Variants in RYR3 observed in about 807,000 individuals in gnomAD.
RYR3 encodes the protein brain ryanodine receptor-calcium release channel.
In RYR3, 207 loss-of-function variants were observed where a neutral mutation model predicts 584.3. The observed-to-expected ratio is 0.35, with a 90% confidence interval of 0.32 to 0.40. RYR3 has a LOEUF of 0.40. RYR3 is among the 10% of genes least tolerant of loss of function. The probability of loss-of-function intolerance (pLI) is 1.00; values close to 1 mark genes in which losing one functional copy is unlikely to be tolerated. For synonymous variants in RYR3, 2,416 were observed against 2,248.5 expected, an observed-to-expected ratio of 1.07 and a Z score of -2.11; for missense variants, 5,616 against 6,089.2, an observed-to-expected ratio of 0.92 and a Z score of 2.59.
intron 2 of RYR3, among the ~76,000 whole-genome samples, chr15:33,484,263 A>G (rs959915147): frequency 1.8e-4 from 27 of 146,370 alleles, no homozygotes; most frequent in African/African-American, 6.4e-4. Context: ...TTTTCATAAG[A>G]GACACAAGCA....
chr15:33,314,343 C>G (rs940225197), intron 1 of RYR3, among the ~76,000 whole-genome samples: 3 of 152,122 alleles, frequency 2.0e-5, no homozygotes, highest in Non-Finnish European at 2.9e-5. Context: ...TGAAGCTGCT[C>G]AGAAGCAGAT....
At chr15:33,826,650 A>C (rs1015507890) in intron 83 of RYR3, 22 bp from the exon 84 acceptor site, 4 of 1,598,308 alleles carry the variant, frequency 2.5e-6, no homozygotes, top group Non-Finnish European at 3.4e-6. Context: ...ACCAATGCTC[A>C]TCAACGTTCT....
intron 22 of RYR3, among the ~76,000 whole-genome samples, chr15:33,630,535 G>A (rs1289195568): frequency 6.6e-6 from 1 of 152,150 alleles, no homozygotes; most frequent in Non-Finnish European, 1.5e-5. Flanking sequence ...GTATTTCCCT[G>A]TTCTCTAGTT....
At chr15:33,396,394 A>T (rs2042297792) in intron 1 of RYR3, among the ~76,000 whole-genome samples, 1 of 152,088 alleles carries the variant, frequency 6.6e-6, no homozygotes, top group African/African-American at 2.4e-5. Flanking sequence ...TGTGGTTGTC[A>T]CCTGAATGAT....
intron 42 of RYR3, among the ~76,000 whole-genome samples, chr15:33,705,094 A>T (rs1284143961): frequency 9.3e-6 from 1 of 106,974 alleles, no homozygotes; most frequent in African/African-American, 3.9e-5. Flanking sequence ...ACATGCACAC[A>T]CACTCTTTCT....
chr15:33,839,007 T>C (rs1446249089), intron 89 of RYR3, 49 bp downstream of exon 89: 27 of 1,561,214 alleles, frequency 1.7e-5, no homozygotes, highest in Non-Finnish European at 2.3e-5. Flanking sequence ...AGAATAAGAC[T>C]TGCCACCATA....
At chr15:33,818,714 C>A in intron 76 of RYR3, 30 bp downstream of exon 76, 1 of 1,505,932 alleles carries the variant, frequency 6.6e-7, no homozygotes, top group Non-Finnish European at 9.2e-7. Context: ...CTGCTTCTCC[C>A]AGGCACCAGG....
chr15:33,509,744 A>T (rs1212209838), intron 3 of RYR3, among the ~76,000 whole-genome samples: 2 of 152,072 alleles, frequency 1.3e-5, no homozygotes, highest in Admixed American at 1.3e-4. Flanking sequence ...TTTCCTTTGT[A>T]TTCGTTGGTA....
At chr15:33,393,509 G>A (rs2141301896) in intron 1 of RYR3, among the ~76,000 whole-genome samples, 2 of 152,272 alleles carry the variant, frequency 1.3e-5, no homozygotes, top group Middle Eastern at 3.4e-3. Flanking sequence ...AATAGGGGGA[G>A]GAAATAGGAA....
chr15:33,556,360 T>A (rs1346325849), intron 10 of RYR3, among the ~76,000 whole-genome samples: 1 of 152,252 alleles, frequency 6.6e-6, no homozygotes, highest in East Asian at 1.9e-4. Flanking sequence ...GAATGGTTAT[T>A]CTAAGATGCA....
At chr15:33,690,483 ATGAGATATTCTTCTTACG>A (rs1199167870) in intron 38 of RYR3, among the ~76,000 whole-genome samples, 4 of 152,238 alleles carry the variant, frequency 2.6e-5, no homozygotes, top group Non-Finnish European at 4.4e-5. Flanking sequence ...CTCTTCTTAC[ATGAGATATTCTTCTTACG>A]TGAGATGCTC....
intron 92 of RYR3, 117 bp downstream of exon 92, chr15:33,843,691 A>G (rs1484485955): frequency 2.8e-6 from 2 of 712,654 alleles, no homozygotes; most frequent in Non-Finnish European, 2.3e-6. Flanking sequence ...TCTAATAGGT[A>G]GCAAATTTCT....
chr15:33,581,660 T>C lies in RYR3; in HGVS notation c.1573+17T>C. The C allele has an allele frequency of 6.2e-7, 1 of 1,609,636 alleles. No individual in the cohort carries two copies. On this transcript the variant is annotated intron_variant, in intron 14 of 103. Coordinates refer to ENST00000634891, the MANE Select transcript of RYR3 (RefSeq NM_001036.6). ...AATTGCTGGGTAAGTACACATACAG[T>C]GCCTTCTCCCTGGGATGATTTCCAT...
At chr15:33,843,315 A>G (rs1281690195) in intron 91 of RYR3, among the ~76,000 whole-genome samples, 173 bp from the exon 92 acceptor site, 1 of 151,848 alleles carries the variant, frequency 6.6e-6, no homozygotes, top group African/African-American at 2.4e-5. Flanking sequence ...GCGAGACTCC[A>G]TCTCAAAAAA....
chr15:33,393,369 G>T (rs1244827203), intron 1 of RYR3, among the ~76,000 whole-genome samples: 2 of 152,134 alleles, frequency 1.3e-5, no homozygotes, highest in Non-Finnish European at 2.9e-5. Flanking sequence ...TCAGTGTAGT[G>T]GTTATATTTC....
intron 53 of RYR3, 42 bp from the exon 54 acceptor site, chr15:33,748,070 TGG>T (rs772504957): frequency 1.2e-6 from 2 of 1,602,568 alleles, no homozygotes; most frequent in East Asian, 4.5e-5. Context: ...GGGAGAATGC[TGG>T]GGTGTGTTCT....
chr15:33,815,243 C>T (rs1334569862), intron 74 of RYR3, among the ~76,000 whole-genome samples: 3 of 152,090 alleles, frequency 2.0e-5, no homozygotes, highest in African/African-American at 4.8e-5. Context: ...CTGCTGAAGT[C>T]GTAACAGAAA....
chr15:33,662,253 C>G lies in RYR3; in HGVS notation c.4723C>G (p.Arg1575Gly). ...YSAVCALGNS[R>G]VAYALCSHVD... ...CGCGGTGTGCGCCCTGGGAAACAGC[C>G]GCGTGGCCTACGCCCTGTGCAGCCA... is the stretch of plus-strand genomic sequence containing the variant. The change falls in exon 35 of 104, where the codon CGC becomes GGC. Residue 1575 changes from arginine to glycine, a missense_variant. Transcript: ENST00000634891. 1 of 1,609,926 alleles carries G rather than the reference C, an allele frequency of 6.2e-7. No individual in the cohort carries two copies.
Position 33,844,993 on chromosome 15 carries a change from C to T in RYR3, c.13428C>T (p.Thr4476=), listed in dbSNP as rs374199163. Residue 4476 remains threonine, a synonymous_variant, in exon 93 of 104, where the codon ACC becomes ACT. Transcript: ENST00000634891. ...LQESTGYMAP[T]LRALAIIHTI... ...AGAGCACCGGGTATATGGCACCAAC[C>T]CTGCGTGCCCTGGCCATCATCCATA... 6 of 1,613,992 alleles carry T rather than the reference C, an allele frequency of 3.7e-6. No individual in the cohort carries two copies. Among genetic ancestry groups the T allele is most frequent in the Middle Eastern group, 1.6e-4 (1 of 6,062 alleles).
Sources: gnomAD v4.1 joint callset for allele counts (sites outside exome capture counted in the v4.1 genomes callset) on GRCh38, gnomAD v4.1.1 for gene constraint, MANE v1.5 for transcripts, NCBI Gene and HGNC (gene_info 2026-07-23, HGNC 2026-07-21) for gene names.